ABCC4: variants seen among roughly 807,000 people sequenced by gnomAD.
ABCC4 encodes ATP-binding cassette sub-family C member 4.
In ABCC4, 102 loss-of-function variants were observed where a neutral mutation model predicts 168.5. The ratio of observed to expected loss-of-function variants is 0.61; its 90% CI spans 0.52 to 0.71. ABCC4 has a LOEUF of 0.71. ABCC4 is among the 30% of genes least tolerant of loss of function. ABCC4 has a pLI of 0.00. For synonymous variants in ABCC4, 617 were observed against 590.7 expected (o/e 1.04, Z -0.65); for missense variants, 1,402 against 1,605.8 (o/e 0.87, Z 2.17).
At chr13:95,134,601 TC>T (rs1189187995) in intron 19 of ABCC4, among the ~76,000 whole-genome samples, 1 of 152,040 alleles carries the variant, frequency 6.6e-6, no homozygotes, top group Non-Finnish European at 1.5e-5. Context: ...ACACCTGTAA[TC>T]CCAGCTACTT....
chr13:95,300,183 T>A (rs8001444), intron 1 of ABCC4, among the ~76,000 whole-genome samples: 1 of 151,930 alleles, frequency 6.6e-6, no homozygotes, highest in African/African-American at 2.4e-5. Flanking sequence ...TCTTTCTCCG[T>A]TTGTTTCCTT....
intron 26 of ABCC4, among the ~76,000 whole-genome samples, chr13:95,062,423 G>C (rs1406344152): frequency 6.6e-6 from 1 of 151,326 alleles, no homozygotes; most frequent in Admixed American, 6.6e-5. Context: ...GTTCTTTATG[G>C]TTATCAGTGG....
At chr13:95,197,505 G>A (rs1336959607) in intron 8 of ABCC4, among the ~76,000 whole-genome samples, 1 of 152,184 alleles carries the variant, frequency 6.6e-6, no homozygotes, top group Non-Finnish European at 1.5e-5. Flanking sequence ...GGTTAAATGA[G>A]ACTCCACTCA....
intron 9 of ABCC4, among the ~76,000 whole-genome samples, chr13:95,194,429 A>G (rs1254182111): frequency 3.9e-5 from 6 of 152,222 alleles, no homozygotes; most frequent in Non-Finnish European, 7.3e-5. Context: ...AGATGACCTG[A>G]AAACGCTAAG....
intron 19 of ABCC4, among the ~76,000 whole-genome samples, chr13:95,116,808 A>T (rs965921763): frequency 2.0e-5 from 3 of 152,200 alleles, no homozygotes; most frequent in African/African-American, 7.2e-5. Context: ...GAAGCTATAC[A>T]CACATAGCCT....
chr13:95,062,992 T>C lies in ABCC4; in HGVS notation c.3211-133A>G, dbSNP rs143026773. 6.7e-4 allele frequency: 719 copies of C among 1,071,306 alleles called. 6 individuals carry two copies. In the African/African-American group the frequency reaches 0.01, roughly 15 times the overall value. 66.4% of individuals were successfully genotyped at this position (1,071,306 alleles called of 1,614,324 possible). A position where few individuals can be genotyped will look rare whatever the true frequency, so the allele number is the denominator to read the frequency against. The stretch of plus-strand genomic sequence containing the variant: ...CTATATTGAGTGTAGTCTAAGAGTT[T>C]CCCAACCTCAGCACTGATGACCTTC... On this transcript the variant is annotated intron_variant, in intron 25 of 30. Coordinates refer to ENST00000645237, the MANE Select transcript of ABCC4 (RefSeq NM_005845.5).
rs1468321460 is a variant in ABCC4 at position 95,166,059 on chromosome 13, G to A, written c.2034+99C>T. 5.2e-6 allele frequency: 6 copies of A among 1,157,620 alleles called. No homozygotes were observed. The East Asian group carries it at 1.4e-4, about 27-fold the overall frequency. 71.7% of individuals were successfully genotyped at this position (1,157,620 alleles called of 1,614,324 possible). On this transcript the variant is annotated intron_variant, in intron 15 of 30. Coordinates refer to ENST00000645237, the MANE Select transcript of ABCC4 (RefSeq NM_005845.5). The stretch of plus-strand genomic sequence containing the variant: ...GCCCTGAAACCACAGAATCCACTTT[G>A]GGACAAAAGATGAAGCTTTGAACAG...
chr13:95,177,594 G>T, intron 13 of ABCC4, 113 bp downstream of exon 13: 2 of 762,378 alleles, frequency 2.6e-6, no homozygotes, highest in Non-Finnish European at 4.2e-6. Context: ...GGACAGTGTG[G>T]GGAGGGGAGC....
intron 25 of ABCC4, among the ~76,000 whole-genome samples, chr13:95,067,371 T>C (rs2033585071): frequency 6.6e-6 from 1 of 152,132 alleles, no homozygotes; most frequent in South Asian, 2.1e-4. Context: ...CCCAGGACTA[T>C]CCAGAGTCTC....
chr13:95,061,138 G>A (rs933077774), intron 26 of ABCC4, among the ~76,000 whole-genome samples: 9 of 152,240 alleles, frequency 5.9e-5, no homozygotes, highest in African/African-American at 2.2e-4. Flanking sequence ...TTATTCATCT[G>A]CTCATCTGGC....
intron 16 of ABCC4, 103 bp downstream of exon 16, chr13:95,164,275 T>G: frequency 1.4e-6 from 2 of 1,442,112 alleles, no homozygotes; most frequent in Non-Finnish European, 1.9e-6. Flanking sequence ...GACAGCACAT[T>G]TCAATTCAGA....
At chr13:95,159,133 A>ATATATATATATATATATAT (rs59552400) in intron 19 of ABCC4, among the ~76,000 whole-genome samples, 8 of 125,328 alleles carry the variant, frequency 6.4e-5, no homozygotes, top group East Asian at 2.3e-4. Context: ...ATATATATAT[A>ATATATATATATATATATAT]ACTATTGAAG....
At chr13:95,227,097 T>TA (rs2039487111) in intron 4 of ABCC4, among the ~76,000 whole-genome samples, 1 of 152,176 alleles carries the variant, frequency 6.6e-6, no homozygotes, top group African/African-American at 2.4e-5. Context: ...GCTAAAGCAT[T>TA]TTCTTCCAGT....
chr13:95,166,089 G>C (rs2037260716), intron 15 of ABCC4, 69 bp downstream of exon 15: 3 of 1,360,220 alleles, frequency 2.2e-6, no homozygotes, highest in Non-Finnish European at 3.1e-6. Context: ...GAACAGAGTA[G>C]ACCAAAGATC....
In ABCC4 at chr13:95,021,693, A is replaced by T; in HGVS notation, c.3871-11T>A. 1 of 1,554,516 alleles carries T rather than the reference A, an allele frequency of 6.4e-7. No homozygotes were observed. Among genetic ancestry groups the T allele is most frequent in the Non-Finnish European group, 8.8e-7 (1 of 1,132,570 alleles). On this transcript the variant is annotated splice_polypyrimidine_tract_variant and intron_variant, in intron 30 of 30. Transcript: ENST00000645237. Reference sequence around the variant, plus strand: ...TCTTTTGAAGTATACCTAGAAAAAAAAAAGGTAAGCATAAAAAGAATGTTT... The same window carrying T: ...TCTTTTGAAGTATACCTAGAAAAAATAAAGGTAAGCATAAAAAGAATGTTT...
intron 20 of ABCC4, among the ~76,000 whole-genome samples, chr13:95,103,164 C>T (rs1443985765): frequency 2.0e-5 from 3 of 152,128 alleles, no homozygotes; most frequent in East Asian, 2.0e-4. Flanking sequence ...ACTTGGGAGG[C>T]TGAGGCAGGA....
chr13:95,118,434 G>A (rs577831661), intron 19 of ABCC4, among the ~76,000 whole-genome samples: 8 of 152,132 alleles, frequency 5.3e-5, no homozygotes, highest in African/African-American at 1.9e-4. Flanking sequence ...AGTAGAGACG[G>A]GGTTTCACCA....
intron 29 of ABCC4, among the ~76,000 whole-genome samples, chr13:95,037,551 T>G (rs886292010): frequency 6.6e-6 from 1 of 152,232 alleles, no homozygotes; most frequent in Non-Finnish European, 1.5e-5. Flanking sequence ...AATCGGAAGA[T>G]GGCAGAGCTG....
At chr13:95,119,017 T>C (rs2035473590) in intron 19 of ABCC4, among the ~76,000 whole-genome samples, 1 of 152,164 alleles carries the variant, frequency 6.6e-6, no homozygotes, top group African/African-American at 2.4e-5. Flanking sequence ...ATGTTGGCCA[T>C]TGCCTCAGCA....
Sources: allele counts gnomAD v4.1 joint callset (sites outside exome capture counted in the v4.1 genomes callset), GRCh38; gene constraint gnomAD v4.1.1; transcripts MANE v1.5; gene names NCBI Gene and HGNC (gene_info 2026-07-23, HGNC 2026-07-21).